CA8: variants seen among roughly 807,000 people sequenced by gnomAD.
The protein encoded by CA8 is carbonic anhydrase 8 (inactive).
Under a neutral mutation model 41.4 loss-of-function variants are expected in CA8, and 22 were observed. That is an observed-to-expected ratio of 0.53 (90% CI 0.38 to 0.76). CA8 has a LOEUF of 0.76. Among genes scored for constraint, CA8 ranks in the 30% least tolerant of loss-of-function variants. The pLI is 0.00. For missense variants in CA8, 270 were observed against 352.8 expected (o/e 0.77, Z 1.88); for synonymous variants, 121 against 130.6 (o/e 0.93, Z 0.50).
At chr8:60,226,960 CA>C (rs771974166) in intron 4 of CA8, 25 bp from the exon 5 acceptor site, 1 of 1,536,104 alleles carries the variant, frequency 6.5e-7, no homozygotes, top group South Asian at 1.1e-5. Flanking sequence ...GCATAAACCA[CA>C]ACCACAACAT....
chr8:60,261,596 C>T (rs1388680178), intron 3 of CA8, among the ~76,000 whole-genome samples: 3 of 152,112 alleles, frequency 2.0e-5, no homozygotes, highest in Non-Finnish European at 4.4e-5. Flanking sequence ...TAAATCTATC[C>T]AATTTATGAG....
At chr8:60,193,768 T>C (rs937506098) in intron 8 of CA8, among the ~76,000 whole-genome samples, 1 of 152,184 alleles carries the variant, frequency 6.6e-6, no homozygotes, top group Admixed American at 6.5e-5. Context: ...TGTCTTGGTG[T>C]GAGTGTGTTT....
rs78269345 is a variant in CA8 at position 60,212,475 on chromosome 8, G to T, written c.739-3556C>A. Among the ~76,000 whole-genome samples the T allele has an allele frequency of 8.5e-4, 130 of 152,296 alleles. 1 individual carries two copies. In the East Asian group the frequency reaches 0.022, roughly 26 times the overall value. On this transcript the variant is annotated intron_variant, in intron 7 of 8. Transcript: ENST00000317995. ...TGGCTTAATGAACATGGGAGTGCAG[G>T]TATCTCTTCAAGATACTGACTTCAA... is the stretch of plus-strand genomic sequence containing the variant.
chr8:60,218,336 A>C (rs1429884008), intron 7 of CA8, among the ~76,000 whole-genome samples: 2 of 151,946 alleles, frequency 1.3e-5, no homozygotes, highest in Non-Finnish European at 2.9e-5. Context: ...CCTATGTATC[A>C]GCTGGCCTTT....
At chr8:60,280,962 CA>C (rs1324885571) in intron 1 of CA8, 85 bp downstream of exon 1, 39 of 948,084 alleles carry the variant, frequency 4.1e-5, no homozygotes, top group Middle Eastern at 2.2e-4. Context: ...TCGGAGCGCG[CA>C]GCGGCAGCAG....
At chr8:60,266,981 C>G (rs996944818) in intron 2 of CA8, among the ~76,000 whole-genome samples, 1 of 152,202 alleles carries the variant, frequency 6.6e-6, no homozygotes, top group Non-Finnish European at 1.5e-5. Flanking sequence ...CTTCATCTTT[C>G]CTAGAAGCAG....
rs10086449 is a variant in CA8, at chr8:60,281,284, C to G, written c.-137G>C. On this transcript the variant is annotated 5_prime_UTR_variant, in exon 1 of 9. Transcript: ENST00000317995. ...CGGCAGTGTGAGTGCGAGAGCGCCT[C>G]CGGGTGTGAACCGCAGTGTGAGTGC... 260,966 of 662,088 alleles carry G rather than the reference C, an allele frequency of 0.39. 53,890 individuals are homozygous for G. The highest frequency in any genetic ancestry group is 0.55 in the African/African-American group (29,961 of 54,364). 41.0% of individuals were successfully genotyped at this position (662,088 alleles called of 1,614,324 possible). A position where few individuals can be genotyped will look rare whatever the true frequency, so the allele number is the denominator to read the frequency against.
rs75149774 is a variant in CA8, at chr8:60,267,428, T to A, written c.293-1379A>T. ...ATTTTTTGAGTGGATACACTTCACA[T>A]CAACAGGAAAGGGAAGTGAGATTCA... On this transcript the variant is annotated intron_variant, in intron 2 of 8. Transcript: ENST00000317995. Among the ~76,000 whole-genome samples the A allele has an allele frequency of 4.9e-3, 745 of 152,292 alleles. 7 individuals carry two copies. Among genetic ancestry groups the A allele is most frequent in the African/African-American group, 0.016 (665 of 41,554 alleles).
chr8:60,240,732 C>CA (rs113105700), intron 3 of CA8, among the ~76,000 whole-genome samples: 70,720 of 151,878 alleles, frequency 0.47, 18,984 homozygotes, highest in African/African-American at 0.75. Context: ...CCTCAGCCCC[C>CA]AAAAAATCCA....
intron 8 of CA8, among the ~76,000 whole-genome samples, chr8:60,191,894 T>C (rs1198940915): frequency 1.3e-5 from 2 of 152,144 alleles, no homozygotes; most frequent in Non-Finnish European, 2.9e-5. Context: ...CAGATGCACA[T>C]ACATGTTGGT....
intron 2 of CA8, among the ~76,000 whole-genome samples, chr8:60,271,517 ATG>A (rs1331481438): frequency 1.3e-5 from 2 of 152,200 alleles, no homozygotes; most frequent in African/African-American, 4.8e-5. Context: ...AAAAGTTGCC[ATG>A]TTTGGGGGGG....
In CA8 at chr8:60,185,940, A is replaced by G. The variant is rs1356886150; in HGVS notation, c.*4081T>C. ...CTTCCTTCTCTTAAAGAGCAATTGT[A>G]TAAAATATCATGTAATTATGCTTTA... On this transcript the variant is annotated 3_prime_UTR_variant, in exon 9 of 9. Transcript: ENST00000317995. Among the ~76,000 whole-genome samples the G allele has an allele frequency of 6.6e-6, 1 of 152,168 alleles. No individual in the cohort carries two copies. The highest frequency in any genetic ancestry group is 1.5e-5 in the Non-Finnish European group (1 of 67,984).
chr8:60,212,350 A>C (rs1295082161), intron 7 of CA8, among the ~76,000 whole-genome samples: 1 of 152,234 alleles, frequency 6.6e-6, no homozygotes, highest in Non-Finnish European at 1.5e-5. Context: ...TTTCACTTGC[A>C]TTTCATGTGT....
chr8:60,271,300 C>G (rs890658876), intron 2 of CA8, among the ~76,000 whole-genome samples: 1 of 151,648 alleles, frequency 6.6e-6, no homozygotes, highest in Admixed American at 6.6e-5. Flanking sequence ...TATGACTGTA[C>G]TCCAGCGTGG....
At chr8:60,191,933 C>T (rs1263045634) in intron 8 of CA8, among the ~76,000 whole-genome samples, 1 of 152,060 alleles carries the variant, frequency 6.6e-6, no homozygotes, top group African/African-American at 2.4e-5. Flanking sequence ...GCTCTCAGGG[C>T]ATGATTCAGG....
In CA8 at chr8:60,188,032, A is replaced by C. The variant is rs1806010868; in HGVS notation, c.*1989T>G. ...CTGAGGTAACTAACTGTGGAATTAA[A>C]GGATTTTCCATATAAAGAATATTAT... On this transcript the variant is annotated 3_prime_UTR_variant, in exon 9 of 9. Coordinates refer to ENST00000317995, the MANE Select transcript of CA8 (RefSeq NM_004056.6). 1 of 152,230 alleles carries C rather than the reference A, an allele frequency of 6.6e-6. No homozygotes were observed. 9.4% of individuals were successfully genotyped at this position (152,230 alleles called of 1,614,324 possible).
intron 3 of CA8, among the ~76,000 whole-genome samples, chr8:60,235,992 C>T (rs900987407): frequency 2.6e-5 from 4 of 152,042 alleles, no homozygotes; most frequent in South Asian, 2.1e-4. Flanking sequence ...AAAGTCCCAG[C>T]GAAAAAACTA....
In CA8 at chr8:60,281,273, C is replaced by A; in HGVS notation, c.-126G>T. 1 of 685,836 alleles carries A rather than the reference C, an allele frequency of 1.5e-6. No homozygotes were observed. The highest frequency in any genetic ancestry group is 2.6e-6 in the Non-Finnish European group (1 of 389,596). The allele number at this position is 685,836 out of a possible 1,614,324, so 42.5% of individuals were successfully genotyped here. A position where few individuals can be genotyped will look rare whatever the true frequency, so the allele number is the denominator to read the frequency against. On this transcript the variant is annotated 5_prime_UTR_variant, in exon 1 of 9. Coordinates refer to ENST00000317995, the MANE Select transcript of CA8 (RefSeq NM_004056.6). Reference sequence around the variant, plus strand: ...GCACGCGTGAGCGGCAGTGTGAGTGCGAGAGCGCCTCCGGGTGTGAACCGC... The same window carrying A: ...GCACGCGTGAGCGGCAGTGTGAGTGAGAGAGCGCCTCCGGGTGTGAACCGC...
At chr8:60,260,630 A>G (rs1803700884) in intron 3 of CA8, among the ~76,000 whole-genome samples, 1 of 152,232 alleles carries the variant, frequency 6.6e-6, no homozygotes, top group Admixed American at 6.5e-5. Flanking sequence ...GGTTTCCTAT[A>G]AATGATCCTG....
Sources: allele counts gnomAD v4.1 joint callset (sites outside exome capture counted in the v4.1 genomes callset), GRCh38; gene constraint gnomAD v4.1.1; transcripts MANE v1.5; gene names NCBI Gene and HGNC (gene_info 2026-07-23, HGNC 2026-07-21).